Variants in UNC13C observed in about 807,000 individuals in gnomAD.
The protein encoded by UNC13C is protein unc-13 homolog C.
In UNC13C, 174 loss-of-function variants were observed where a neutral mutation model predicts 245.4. That is an observed-to-expected ratio of 0.71 (90% CI 0.63 to 0.80). UNC13C has a LOEUF of 0.80. Ranked by LOEUF, UNC13C falls within the 30% of genes least tolerant of loss-of-function variation. UNC13C has a pLI of 0.00. For synonymous variants in UNC13C, 992 were observed against 895.1 expected (o/e 1.11, Z -1.93); for missense variants, 2,829 against 2,602.9 (o/e 1.09, Z -1.89).
chr15:54,357,852 ATGTG>A (rs550565056), intron 17 of UNC13C, among the ~76,000 whole-genome samples: 1 of 151,748 alleles, frequency 6.6e-6, no homozygotes, highest in African/African-American at 2.4e-5. Flanking sequence ...ACACACATAT[ATGTG>A]TGTGTGTATT....
intron 2 of UNC13C, among the ~76,000 whole-genome samples, chr15:54,067,786 A>C (rs1898140636): frequency 1.3e-5 from 2 of 152,210 alleles, no homozygotes. Flanking sequence ...GATTAGAATG[A>C]AGATAACGAT....
chr15:53,848,284 T>C, the UNC13C span, among the ~76,000 whole-genome samples: 1 of 152,154 alleles, frequency 6.6e-6, no homozygotes, highest in Non-Finnish European at 1.5e-5. Flanking sequence ...TAGTAGAAGA[T>C]TAGATTATTG....
chr15:54,201,451 A>C lies in UNC13C; in HGVS notation c.3072-33579A>C, dbSNP rs140417142. On this transcript the variant is annotated intron_variant, in intron 4 of 32. Coordinates refer to ENST00000260323, the MANE Select transcript of UNC13C (RefSeq NM_001080534.3). ...GGGAATAAAATCTAACAGCATATCA[A>C]AAAGATAATCCACCAAGATCAAGTG... 3.6e-3 allele frequency among the ~76,000 whole-genome samples: 550 copies of C among 152,198 alleles called. 1 individual carries two copies. Among genetic ancestry groups the C allele is most frequent in the African/African-American group, 0.013 (536 of 41,546 alleles).
chr15:54,344,407 G>C (rs1203455525), intron 17 of UNC13C, among the ~76,000 whole-genome samples: 1 of 152,082 alleles, frequency 6.6e-6, no homozygotes, highest in Non-Finnish European at 1.5e-5. Context: ...TTATGACTTG[G>C]CTTTCAGAAA....
chr15:54,051,590 GATT>G (rs1258022472), intron 2 of UNC13C, among the ~76,000 whole-genome samples: 11 of 151,806 alleles, frequency 7.2e-5, no homozygotes, highest in African/African-American at 2.7e-4. Context: ...TGATGGATAT[GATT>G]TTTCATTTTC....
chr15:54,325,043 A>T (rs143990924), intron 14 of UNC13C, among the ~76,000 whole-genome samples: 1 of 151,914 alleles, frequency 6.6e-6, no homozygotes. Context: ...TTCTTTTTCT[A>T]TTGTGGCTCA....
At chr15:54,482,591 A>G (rs62022362) in intron 19 of UNC13C, among the ~76,000 whole-genome samples, 62,448 of 151,538 alleles carry the variant, frequency 0.41, 13,102 homozygotes, top group East Asian at 0.62. Flanking sequence ...TCGCCTCAGA[A>G]GTTCTCTGTC....
chr15:53,967,151 T>C, the UNC13C span, among the ~76,000 whole-genome samples: 1 of 152,064 alleles, frequency 6.6e-6, no homozygotes, highest in African/African-American at 2.4e-5. Context: ...CTATGAACTA[T>C]TAGGTTACGG....
the UNC13C span, among the ~76,000 whole-genome samples, chr15:53,854,122 G>GTTTTTTTTTTTTTTTTTTTTTT: frequency 3.0e-5 from 4 of 133,576 alleles, no homozygotes; most frequent in African/African-American, 8.4e-5. Flanking sequence ...GTTTTTATAG[G>GTTTTTTTTTTTTTTTTTTTTTT]TTTTTTTTTT....
At chr15:54,102,029 C>A in intron 2 of UNC13C, among the ~76,000 whole-genome samples, 1 of 149,598 alleles carries the variant, frequency 6.7e-6, no homozygotes, top group Admixed American at 6.8e-5. Flanking sequence ...TATGTATTAT[C>A]TCATTTGACG....
intron 18 of UNC13C, among the ~76,000 whole-genome samples, chr15:54,414,636 A>C (rs1035236212): frequency 6.7e-6 from 1 of 149,892 alleles, no homozygotes; most frequent in Admixed American, 6.6e-5. Context: ...GAAGAGTGAG[A>C]CTCTGTCTCA....
the UNC13C span, among the ~76,000 whole-genome samples, chr15:53,858,394 T>C: frequency 6.6e-6 from 1 of 151,890 alleles, no homozygotes; most frequent in Admixed American, 6.6e-5. Context: ...CATTTTCTCC[T>C]CATAATGAGT....
chr15:54,543,074 A>T (rs1440301761), intron 26 of UNC13C, among the ~76,000 whole-genome samples: 1 of 152,104 alleles, frequency 6.6e-6, no homozygotes, highest in African/African-American at 2.4e-5. Flanking sequence ...CCATTAGTTG[A>T]TGCAGTTTCT....
chr15:54,203,768 A>C (rs915383402), intron 4 of UNC13C, among the ~76,000 whole-genome samples: 4 of 112,788 alleles, frequency 3.5e-5, no homozygotes, highest in African/African-American at 1.2e-4. Context: ...ATATATATGT[A>C]TATATACACA....
chr15:54,569,247 C>G (rs537713374), intron 30 of UNC13C, among the ~76,000 whole-genome samples: 1 of 152,160 alleles, frequency 6.6e-6, no homozygotes, highest in Admixed American at 6.6e-5. Flanking sequence ...GACAGTCATC[C>G]CTCGGTATCC....
intron 5 of UNC13C, 81 bp from the exon 6 acceptor site, chr15:54,236,349 T>C: frequency 8.9e-7 from 1 of 1,123,506 alleles, no homozygotes; most frequent in Admixed American, 1.8e-5. Flanking sequence ...TTAGGCTAAT[T>C]TAACATTGTT....
At chr15:54,053,954 G>T (rs1897384458) in intron 2 of UNC13C, among the ~76,000 whole-genome samples, 1 of 152,152 alleles carries the variant, frequency 6.6e-6, no homozygotes, top group African/African-American at 2.4e-5. Context: ...TATTCATGTT[G>T]TTGCAAATGA....
Position 54,309,214 on chromosome 15 carries a change from G to A in UNC13C, c.4268+8841G>A, listed in dbSNP as rs2414297. On this transcript the variant is annotated intron_variant, in intron 13 of 32. Transcript: ENST00000260323. ...ATAGCCATTCCAATAGGAGTGAGGTGATAGCTTATCGTGGTTTTAATTTGC... is the reference window on the plus strand; with the variant it reads ...ATAGCCATTCCAATAGGAGTGAGGTAATAGCTTATCGTGGTTTTAATTTGC... Among the ~76,000 whole-genome samples the A allele has an allele frequency of 8.5e-3, 1,285 of 151,888 alleles. 24 individuals are homozygous for A. Among genetic ancestry groups the A allele is most frequent in the East Asian group, 0.016 (83 of 5,134 alleles).
At chr15:54,185,809 A>G (rs918881119) in intron 4 of UNC13C, among the ~76,000 whole-genome samples, 2 of 150,950 alleles carry the variant, frequency 1.3e-5, no homozygotes, top group Non-Finnish European at 2.9e-5. Context: ...CTGTGAAGAA[A>G]GTCACTGGTA....
Sources: gnomAD v4.1 joint callset for allele counts (sites outside exome capture counted in the v4.1 genomes callset) on GRCh38, gnomAD v4.1.1 for gene constraint, MANE v1.5 for transcripts, NCBI Gene and HGNC (gene_info 2026-07-23, HGNC 2026-07-21) for gene names.